The following RAB11FIP5 variants were observed in gnomAD, a reference collection of about 807,000 sequenced individuals.
RAB11FIP5 encodes rab11 family-interacting protein 5.
Under a neutral mutation model 85.1 loss-of-function variants are expected in RAB11FIP5, and 48 were observed. The ratio of observed to expected loss-of-function variants is 0.56; its 90% CI spans 0.45 to 0.72. RAB11FIP5 has a LOEUF of 0.72. RAB11FIP5 is among the 30% of genes least tolerant of loss of function. The pLI is 0.00. For missense variants in RAB11FIP5, 1,491 were observed against 1,687.0 expected, an observed-to-expected ratio of 0.88 and a Z score of 2.04; for synonymous variants, 729 against 727.3, an observed-to-expected ratio of 1.00 and a Z score of -0.04.
rs769136854 is a variant in RAB11FIP5, at chr2:73,098,998, TA to T, written c.432-9684del. On this transcript the variant is annotated intron_variant, in intron 1 of 5. Transcript: ENST00000486777. ...TAGATCTCATTATTTAATACAGTAA[TA>T]AAGCACTTATGTTTCTTTAGTAAAT... is the stretch of plus-strand genomic sequence containing the variant. Among the ~76,000 whole-genome samples, 32 of 151,788 alleles carry T rather than the reference TA, an allele frequency of 2.1e-4. No homozygotes were observed. In the South Asian group the frequency reaches 3.3e-3, roughly 16 times the overall value.
At chr2:73,108,936 CAG>C (rs1450147365) in intron 1 of RAB11FIP5, among the ~76,000 whole-genome samples, 2 of 152,152 alleles carry the variant, frequency 1.3e-5, no homozygotes, top group African/African-American at 4.8e-5. Context: ...CCCAGCTACT[CAG>C]GGGACTGAGG....
chr2:73,075,722 G>A lies in RAB11FIP5; in HGVS notation c.3774C>T (p.Asp1258=), dbSNP rs753937109. ...TGGCCGACTGGTCCAGCACAGCTGAGTCCTGAGGCCGGACCGAAGACAGTG... is the reference window on the plus strand; with the variant it reads ...TGGCCGACTGGTCCAGCACAGCTGAATCCTGAGGCCGGACCGAAGACAGTG... ...GQMVDTKRLK[D]SAVLDQSAKY... The change falls in exon 6 of 6, where the codon GAC becomes GAT. Residue 1258 remains aspartate (D), a splice_region_variant and synonymous_variant. Coordinates refer to ENST00000486777, the MANE Select transcript of RAB11FIP5 (RefSeq NM_001371272.1). This position sits in a 1 kb window ranked among gnomAD's most constrained non-coding sequence, Gnocchi z 4.6. 3 of 1,600,008 alleles carry A rather than the reference G, an allele frequency of 1.9e-6. No homozygotes were observed. The highest frequency in any genetic ancestry group is 3.4e-5 in the Admixed American group (2 of 58,728).
Position 73,080,272 on chromosome 2 carries a change from G to C in RAB11FIP5, c.2960C>G (p.Ser987Cys). 1 of 1,233,014 alleles carries C rather than the reference G, an allele frequency of 8.1e-7. No individual in the cohort carries two copies. Among genetic ancestry groups the C allele is most frequent in the Non-Finnish European group, 1.0e-6 (1 of 988,704 alleles). The allele number at this position is 1,233,014 out of a possible 1,614,324, so 76.4% of individuals were successfully genotyped here. ...ELVEDASPPV[S>C]GPCLSAPASC... ...GGCGGGTGCAGACAGGCAGGGCCCA[G>C]ACACAGGGGGGCTGGCATCCTCCAC... Residue 987 changes from serine to cysteine, a missense_variant, in exon 4 of 6, where the codon TCT becomes TGT. Around this residue, in one of 3 missense-constraint regions of RAB11FIP5, gnomAD observed 1,211 missense variants for 1,338.0 expected, o/e 0.91. Coordinates refer to ENST00000486777, the MANE Select transcript of RAB11FIP5 (RefSeq NM_001371272.1).
At position 73,089,300 on chromosome 2, in the gene RAB11FIP5, G is replaced by A. The variant is rs747819862; in HGVS notation, c.447C>T (p.His149=). 2 of 1,613,726 alleles carry A rather than the reference G, an allele frequency of 1.2e-6. No homozygotes were observed. The highest frequency in any genetic ancestry group is 1.3e-5 in the African/African-American group (1 of 75,022). The change falls in exon 2 of 6, where the codon CAC becomes CAT. Residue 149 remains histidine, a synonymous_variant. Coordinates refer to ENST00000486777, the MANE Select transcript of RAB11FIP5 (RefSeq NM_001371272.1). This position sits in a 1 kb window ranked among gnomAD's most constrained non-coding sequence, Gnocchi z 4.6. ...CCTTCTCCTTCTTGCCTGGCTTGGA[G>A]TGCAGCTTGTACCACCTGTGAGAAG... ...RAQHTQWYKL[H]SKPGKKEKER... is the part of the protein sequence containing the mutation.
intron 1 of RAB11FIP5, among the ~76,000 whole-genome samples, chr2:73,111,766 A>T (rs1375804648): frequency 6.6e-6 from 1 of 152,084 alleles, no homozygotes; most frequent in African/African-American, 2.4e-5. Context: ...ACAGAGGGAC[A>T]GGATGGGGGT....
chr2:73,088,268 C>T lies in RAB11FIP5; in HGVS notation c.1350G>A (p.Lys450=). The part of the protein sequence containing the change: ...IVASSEAVAE[K]EGARKEERKP... ...TGCGTTCCTCCTTCCGGGCTCCCTC[C>T]TTCTCTGCCACAGCCTCAGAGGAGG... is the stretch of plus-strand genomic sequence containing the variant. Residue 450 remains lysine (K), a synonymous_variant, in exon 3 of 6, where the codon AAG becomes AAA. Transcript: ENST00000486777. 2 of 1,612,358 alleles carry T rather than the reference C, an allele frequency of 1.2e-6. No individual in the cohort carries two copies. The highest frequency in any genetic ancestry group is 1.7e-6 in the Non-Finnish European group (2 of 1,178,512).
Position 73,080,392 on chromosome 2 carries a change from G to A in RAB11FIP5, c.2840C>T (p.Pro947Leu), listed in dbSNP as rs1405103407. Residue 947 changes from proline to leucine, a missense_variant, in exon 4 of 6, where the codon CCG becomes CTG. By Grantham distance (98) the Pro-to-Leu change is moderately conservative. This residue lies in a region of RAB11FIP5 where 1,211 missense variants were observed against 1,338.0 expected (regional missense o/e 0.91). Coordinates refer to ENST00000486777, the MANE Select transcript of RAB11FIP5 (RefSeq NM_001371272.1). ...ASPSALVVGPPETKEEGEKRE... is the reference protein window; with the variant it reads ...ASPSALVVGPLETKEEGEKRE... The stretch of plus-strand genomic sequence containing the variant: ...CTTCTCTCCCTCCTCCTTGGTCTCC[G>A]GGGGACCGACAACCAGTGCACTTGG... 1.6e-5 allele frequency: 20 copies of A among 1,232,968 alleles called. No individual in the cohort carries two copies. The highest frequency in any genetic ancestry group is 6.2e-4 in the Middle Eastern group (2 of 3,236). The allele number at this position is 1,232,968 out of a possible 1,614,324, so 76.4% of individuals were successfully genotyped here. A position where few individuals can be genotyped will look rare whatever the true frequency, so the allele number is the denominator to read the frequency against.
Position 73,078,157 on chromosome 2 carries a change from C to T in RAB11FIP5, c.3581+1494G>A, listed in dbSNP as rs1574292571. ...GCTGTGCCAGGGAAGGGGAGGATGA[C>T]CAGTGTAGTATAAAAGTGCCTTGAA... On this transcript the variant is annotated intron_variant, in intron 4 of 5. Coordinates refer to ENST00000486777, the MANE Select transcript of RAB11FIP5 (RefSeq NM_001371272.1). The surrounding 1 kb of genome is among the most constrained non-coding windows in gnomAD (Gnocchi z 4.4). 3.3e-5 allele frequency among the ~76,000 whole-genome samples: 5 copies of T among 152,300 alleles called. No homozygotes were observed. The highest frequency in any genetic ancestry group is 3.3e-4 in the Admixed American group (5 of 15,302).
chr2:73,097,499 A>G (rs1189550820), intron 1 of RAB11FIP5, among the ~76,000 whole-genome samples: 1 of 152,222 alleles, frequency 6.6e-6, no homozygotes, highest in Non-Finnish European at 1.5e-5. Context: ...TATTCTGTTC[A>G]TCTCTGTACC....
rs750011597 is a variant in RAB11FIP5 at position 73,088,193 on chromosome 2, G to A, written c.1425C>T (p.Ser475=). ...CCAGAGAGCTTCGGCGACCCAACTC[G>A]CTCCGACTTAGGCCTTGGTGGTGGT... ...FHHHHQGLSR[S]ELGRRSSLGE... is the part of the protein sequence containing the mutation. The change falls in exon 3 of 6, where the codon AGC becomes AGT. Residue 475 remains serine (S), a synonymous_variant. Transcript: ENST00000486777. 1.2e-5 allele frequency: 19 copies of A among 1,613,828 alleles called. No homozygotes were observed. The highest frequency in any genetic ancestry group is 5.3e-5 in the African/African-American group (4 of 74,902).
chr2:73,111,738 A>G (rs1417478127), intron 1 of RAB11FIP5, among the ~76,000 whole-genome samples: 1 of 152,080 alleles, frequency 6.6e-6, no homozygotes, highest in Non-Finnish European at 1.5e-5. Flanking sequence ...TCCTATCCTC[A>G]GACCAGGGAC....
At chr2:73,083,635 G>A (rs951254467) in intron 3 of RAB11FIP5, among the ~76,000 whole-genome samples, 2 of 152,154 alleles carry the variant, frequency 1.3e-5, no homozygotes, top group Non-Finnish European at 2.9e-5. Context: ...TGGGCCCAGA[G>A]CCTCAACCCC....
At chr2:73,097,786 C>G (rs1400692383) in intron 1 of RAB11FIP5, among the ~76,000 whole-genome samples, 1 of 152,212 alleles carries the variant, frequency 6.6e-6, no homozygotes, top group African/African-American at 2.4e-5. Context: ...CCTCAGCCCC[C>G]AACTGAACTA....
Position 73,112,434 on chromosome 2 carries a change from C to T in RAB11FIP5, c.344G>A (p.Arg115His), listed in dbSNP as rs1443237542. 2 of 1,600,242 alleles carry T rather than the reference C, an allele frequency of 1.2e-6. No individual in the cohort carries two copies. Among genetic ancestry groups the T allele is most frequent in the Admixed American group, 1.7e-5 (1 of 59,122 alleles). Residue 115 changes from arginine (R) to histidine (H), a missense_variant, in exon 1 of 6, where the codon CGC (arginine) becomes CAC (histidine). Physicochemically the swap from Arg to His is conservative, Grantham distance 29 (BLOSUM62 0). Transcript: ENST00000486777. ...ACELVLTTMH[R>H]SLIGVDKFLG... is the part of the protein sequence containing the mutation. ...GAACTTGTCGACGCCGATGAGCGAG[C>T]GGTGCATGGTGGTGAGCACCAGCTC...
chr2:73,112,298 G>A (rs1050695515), intron 1 of RAB11FIP5, 49 bp downstream of exon 1: 3 of 1,489,878 alleles, frequency 2.0e-6, no homozygotes, highest in Admixed American at 2.3e-5. Flanking sequence ...CACCAGCCCC[G>A]CCCTGTTAGG....
In RAB11FIP5 at chr2:73,076,100, C is replaced by T; in HGVS notation, c.3664G>A (p.Ala1222Thr). The T allele has an allele frequency of 6.2e-7, 1 of 1,614,166 alleles. No individual in the cohort carries two copies. Among genetic ancestry groups the T allele is most frequent in the Non-Finnish European group, 8.5e-7 (1 of 1,179,972 alleles). The change falls in exon 5 of 6, where the codon GCC (alanine) becomes ACC (threonine). Residue 1222 changes from alanine (A) to threonine (T), a missense_variant. Transcript: ENST00000486777. ...RKQSRSSLSI[A>T]LSSGLEKLKT... ...AGCTTCTCCAGCCCACTGCTCAGGG[C>T]TATGCTCAGACTGGAGCGGGACTGC...
rs1684170721 is a variant in RAB11FIP5, at chr2:73,089,687, G to T, written c.432-372C>A. 2.8e-6 allele frequency: 1 copy of T among 355,628 alleles called. No homozygotes were observed. Among genetic ancestry groups the T allele is most frequent in the African/African-American group, 2.1e-5 (1 of 46,974 alleles). 22.0% of individuals were successfully genotyped at this position (355,628 alleles called of 1,614,324 possible). A position where few individuals can be genotyped will look rare whatever the true frequency, so the allele number is the denominator to read the frequency against. ...CTGAGGCCCAGAGGGGTGAGGCTGG[G>T]CCTGGGAGAGCCCTCCCATCTCCAG... On this transcript the variant is annotated intron_variant, in intron 1 of 5. Transcript: ENST00000486777. The surrounding 1 kb of genome is among the most constrained non-coding windows in gnomAD (Gnocchi z 4.6).
chr2:73,110,262 C>A (rs1341259737), intron 1 of RAB11FIP5, among the ~76,000 whole-genome samples: 4 of 152,226 alleles, frequency 2.6e-5, no homozygotes, highest in Non-Finnish European at 5.9e-5. Context: ...CCTCTCCCTA[C>A]CAGGCAGCGT....
intron 1 of RAB11FIP5, among the ~76,000 whole-genome samples, chr2:73,108,691 T>A (rs369618330): frequency 1.3e-5 from 2 of 152,118 alleles, no homozygotes. Context: ...AACCACCACA[T>A]CCCATCCCTG....
Sources: allele counts gnomAD v4.1 joint callset (sites outside exome capture counted in the v4.1 genomes callset), GRCh38; gene constraint gnomAD v4.1.1; regional missense constraint gnomAD v4.1.1; non-coding constraint Gnocchi (gnomAD v3.1); transcripts MANE v1.5; gene names NCBI Gene and HGNC (gene_info 2026-07-23, HGNC 2026-07-21).